Variants in ARGLU1 observed in about 807,000 individuals in gnomAD.
ARGLU1 encodes the protein arginine and glutamate-rich protein 1.
Under a neutral mutation model 37.6 loss-of-function variants are expected in ARGLU1, and 9 were observed. The ratio of observed to expected loss-of-function variants is 0.24; its 90% confidence interval spans 0.14 to 0.42. The LOEUF is 0.42. ARGLU1 is among the 10% of genes least tolerant of loss of function. The pLI is 1.00. For synonymous variants in ARGLU1, 166 were observed against 138.5 expected (o/e 1.20, Z -1.39); for missense variants, 211 against 359.2 (o/e 0.59, Z 3.34).
In ARGLU1 at chr13:106,542,416, G is replaced by A. The variant is rs911472010; in HGVS notation, c.*1580C>T. The A allele has an allele frequency of 3.3e-5, 5 of 151,798 alleles. No individual in the cohort carries two copies. The highest frequency in any genetic ancestry group is 3.3e-4 in the Admixed American group (5 of 15,220). The allele number at this position is 151,798 out of a possible 1,614,324, so 9.4% of individuals were successfully genotyped here. On this transcript the variant is annotated 3_prime_UTR_variant, in exon 4 of 4. Transcript: ENST00000400198. ...AAAATGTTTGATTTTAGAGTAAGTA[G>A]TATGTTTACTAAAAGTTCTCACTAT... is the stretch of plus-strand genomic sequence containing the variant.
rs1013590144 is a variant in ARGLU1, at chr13:106,556,902, T to C, written c.657+146A>G. 6 of 645,330 alleles carry C rather than the reference T, an allele frequency of 9.3e-6. No individual in the cohort carries two copies. In the East Asian group the frequency reaches 1.4e-4, roughly 15 times the overall value. 40.0% of individuals were successfully genotyped at this position (645,330 alleles called of 1,614,324 possible). ...GAAGGAAAAATCTCAATTGTTCCTA[T>C]CCTTGCCTCAAAAAGCCTTTAAAGT... On this transcript the variant is annotated intron_variant, in intron 3 of 3. Coordinates refer to ENST00000400198, the MANE Select transcript of ARGLU1 (RefSeq NM_018011.4).
chr13:106,545,373 T>G (rs1880363894), intron 3 of ARGLU1, among the ~76,000 whole-genome samples: 1 of 152,192 alleles, frequency 6.6e-6, no homozygotes, highest in African/African-American at 2.4e-5. Flanking sequence ...AAGTCAAATT[T>G]TAGGTCATTG....
chr13:106,558,132 T>C (rs1880702727), intron 2 of ARGLU1: 6 of 983,030 alleles, frequency 6.1e-6, no homozygotes, highest in East Asian at 2.3e-4. Flanking sequence ...AAAAAAAAAA[T>C]TGTTAATATG....
chr13:106,558,290 C>G, intron 2 of ARGLU1: 2 of 984,474 alleles, frequency 2.0e-6, no homozygotes, highest in Non-Finnish European at 2.4e-6. Flanking sequence ...GTCTGTGAAA[C>G]CCACTATAAA....
rs1880685062 is a variant in ARGLU1 at position 106,557,252 on chromosome 13, TTCTG to T, written c.574-125_574-122del. On this transcript the variant is annotated intron_variant, in intron 2 of 3. Transcript: ENST00000400198. The surrounding 1 kb of genome is among the most constrained non-coding windows in gnomAD (Gnocchi z 5.0). The stretch of plus-strand genomic sequence containing the variant: ...CTTACAGGGTAGCTTTATAGCTACC[TTCTG>T]TCTGACAAATGATAAACTGTGCAGT... 10 of 852,980 alleles carry T rather than the reference TTCTG, an allele frequency of 1.2e-5. No homozygotes were observed. Among genetic ancestry groups the T allele is most frequent in the Non-Finnish European group, 1.6e-5 (9 of 551,910 alleles). The allele number at this position is 852,980 out of a possible 1,614,324, so 52.8% of individuals were successfully genotyped here. A position where few individuals can be genotyped will look rare whatever the true frequency, so the allele number is the denominator to read the frequency against.
chr13:106,561,424 T>TAC (rs59373729), intron 1 of ARGLU1, among the ~76,000 whole-genome samples: 7,755 of 147,882 alleles, frequency 0.052, 347 homozygotes, highest in African/African-American at 0.13. Context: ...TAATAAAGTG[T>TAC]ACACACACAC....
intron 3 of ARGLU1, among the ~76,000 whole-genome samples, chr13:106,553,121 C>T (rs1219697163): frequency 6.6e-6 from 1 of 152,144 alleles, no homozygotes; most frequent in African/African-American, 2.4e-5. Flanking sequence ...AAGTGATATA[C>T]ATTACTTGTA....
intron 1 of ARGLU1, among the ~76,000 whole-genome samples, chr13:106,564,048 G>C (rs756598786): frequency 3.2e-4 from 48 of 152,184 alleles, no homozygotes; most frequent in Admixed American, 8.5e-4. Context: ...ACTGGTGTGG[G>C]GGAGGGGTGA....
At chr13:106,549,617 G>A (rs1037317056) in intron 3 of ARGLU1, among the ~76,000 whole-genome samples, 2 of 152,134 alleles carry the variant, frequency 1.3e-5, no homozygotes, top group African/African-American at 4.8e-5. Context: ...TACCTCCTTA[G>A]GGTTTCTAAT....
chr13:106,565,016 T>C (rs556785360), intron 1 of ARGLU1, among the ~76,000 whole-genome samples: 19 of 152,322 alleles, frequency 1.2e-4, no homozygotes, highest in East Asian at 1.2e-3. Context: ...AATCTGTCCC[T>C]CTTTTCCATT....
chr13:106,547,102 CCT>C (rs1283767579), intron 3 of ARGLU1, among the ~76,000 whole-genome samples: 1 of 152,102 alleles, frequency 6.6e-6, no homozygotes, highest in South Asian at 2.1e-4. Context: ...TCTCTAGGGC[CCT>C]CTCTGTCTAG....
rs1482638320 is a variant in ARGLU1 at position 106,557,302 on chromosome 13, A to G, written c.574-171T>C. The G allele has an allele frequency of 4.3e-6, 3 of 697,080 alleles. No individual in the cohort carries two copies. The highest frequency in any genetic ancestry group is 6.3e-5 in the Admixed American group (2 of 31,936). The allele number at this position is 697,080 out of a possible 1,614,324, so 43.2% of individuals were successfully genotyped here. A position where few individuals can be genotyped will look rare whatever the true frequency, so the allele number is the denominator to read the frequency against. ...GCAGTCACTAAAATTGGTTTCTAGC[A>G]CTAAATTTAAATCATCCCTCCCAGT... On this transcript the variant is annotated intron_variant, in intron 2 of 3. Coordinates refer to ENST00000400198, the MANE Select transcript of ARGLU1 (RefSeq NM_018011.4). The surrounding 1 kb of genome is among the most constrained non-coding windows in gnomAD (Gnocchi z 5.0).
At chr13:106,558,531 T>C in intron 2 of ARGLU1, 1 of 985,474 alleles carries the variant, frequency 1.0e-6, no homozygotes, top group Non-Finnish European at 1.2e-6. Context: ...ATGCAAACTA[T>C]GGTGACAGAC....
In ARGLU1 at chr13:106,542,386, A is replaced by G. The variant is rs996041040; in HGVS notation, c.*1610T>C. 8.5e-5 allele frequency: 13 copies of G among 152,082 alleles called. No homozygotes were observed. The highest frequency in any genetic ancestry group is 1.9e-4 in the Non-Finnish European group (13 of 67,972). 9.4% of individuals were successfully genotyped at this position (152,082 alleles called of 1,614,324 possible). On this transcript the variant is annotated 3_prime_UTR_variant, in exon 4 of 4. Transcript: ENST00000400198. ...TTTTTGGCAACCTATATTCTTTAGGAAAATAAAATGTTTGATTTTAGAGTA... is the reference window on the plus strand; with the variant it reads ...TTTTTGGCAACCTATATTCTTTAGGGAAATAAAATGTTTGATTTTAGAGTA...
Position 106,559,488 on chromosome 13 carries a change from G to A in ARGLU1, c.517C>T (p.Leu173Phe). 1 of 1,614,162 alleles carries A rather than the reference G, an allele frequency of 6.2e-7. No individual in the cohort carries two copies. The highest frequency in any genetic ancestry group is 8.5e-7 in the Non-Finnish European group (1 of 1,180,032). Residue 173 changes from leucine to phenylalanine, a missense_variant, in exon 2 of 4, where the codon CTC becomes TTC. Physicochemically the swap from Leu to Phe is conservative, Grantham distance 22. Transcript: ENST00000400198. ...TGTCTCTGTCGCTCGAGTTCTTCGAGCAACTGCTTTTCCATGATGCGTTTG... is the reference window on the plus strand; with the variant it reads ...TGTCTCTGTCGCTCGAGTTCTTCGAACAACTGCTTTTCCATGATGCGTTTG... ...EAKRIMEKQL[L>F]EELERQRQAE...
At position 106,559,666 on chromosome 13, in the gene ARGLU1, C is replaced by A. The variant is rs1158497947; in HGVS notation, c.348-9G>T. The A allele has an allele frequency of 6.3e-6, 10 of 1,595,948 alleles. No homozygotes were observed. In the Admixed American group the frequency reaches 8.9e-5, roughly 14 times the overall value. On this transcript the variant is annotated splice_polypyrimidine_tract_variant and intron_variant, in intron 1 of 3. Transcript: ENST00000400198. The stretch of plus-strand genomic sequence containing the variant: ...CTATTTCTTGCTGTCGACTAGCAAA[C>A]AAAGTGAAAAAAACAAGTTAGGTAT...
intron 2 of ARGLU1, chr13:106,558,545 C>T (rs1035666886): frequency 6.1e-6 from 6 of 985,348 alleles, no homozygotes; most frequent in Non-Finnish European, 6.0e-6. Flanking sequence ...GACAGACACT[C>T]AGGGCTGTAA....
rs145883773 is a variant in ARGLU1 at position 106,555,310 on chromosome 13, G to A, written c.657+1738C>T. ...CAGGAGGTGGAGGCTGCAATGACCC[G>A]AGACTGCGCCATTGCACTTCAGCCT... On this transcript the variant is annotated intron_variant, in intron 3 of 3. Transcript: ENST00000400198. Among the ~76,000 whole-genome samples, 152 of 152,226 alleles carry A rather than the reference G, an allele frequency of 1.0e-3. 1 individual carries two copies. The highest frequency in any genetic ancestry group is 3.5e-3 in the African/African-American group (145 of 41,520).
At chr13:106,544,437 T>C (rs1880340841) in intron 3 of ARGLU1, among the ~76,000 whole-genome samples, 1 of 152,212 alleles carries the variant, frequency 6.6e-6, no homozygotes, top group African/African-American at 2.4e-5. Flanking sequence ...GAGAACCCTT[T>C]ATTAATTACA....
Sources: allele counts gnomAD v4.1 joint callset (sites outside exome capture counted in the v4.1 genomes callset), GRCh38; gene constraint gnomAD v4.1.1; non-coding constraint Gnocchi (gnomAD v3.1); transcripts MANE v1.5; gene names NCBI Gene and HGNC (gene_info 2026-07-23, HGNC 2026-07-21).